The following PRR11 variants were observed in gnomAD, a reference collection of about 807,000 sequenced individuals.
PRR11 encodes proline-rich protein 11.
Under a neutral mutation model 45.6 loss-of-function variants are expected in PRR11, and 30 were observed. The ratio of observed to expected loss-of-function variants is 0.66; its 90% CI spans 0.49 to 0.89. PRR11 has a LOEUF of 0.89. Among genes scored for constraint, PRR11 ranks in the 40% least tolerant of loss-of-function variants. The probability of loss-of-function intolerance (pLI) is 0.00; values close to 1 mark genes in which losing one functional copy is unlikely to be tolerated. For missense variants in PRR11, 373 were observed against 424.8 expected, an observed-to-expected ratio of 0.88 and a Z score of 1.07; for synonymous variants, 128 against 153.5, an observed-to-expected ratio of 0.83 and a Z score of 1.23.
chr17:59,170,193 A>G (rs1456130303), intron 2 of PRR11, among the ~76,000 whole-genome samples: 1 of 151,596 alleles, frequency 6.6e-6, no homozygotes, highest in Non-Finnish European at 1.5e-5. Flanking sequence ...CAGAGGTTGC[A>G]GTGAGCCGAG....
intron 1 of PRR11, among the ~76,000 whole-genome samples, chr17:59,167,156 T>G (rs902287439): frequency 5.3e-5 from 8 of 152,154 alleles, no homozygotes; most frequent in African/African-American, 1.9e-4. Flanking sequence ...GGAGCAAGAC[T>G]CTGTCTCTAA....
At chr17:59,193,761 T>C in intron 5 of PRR11, 27 bp downstream of exon 5, 1 of 1,606,190 alleles carries the variant, frequency 6.2e-7, no homozygotes, top group Non-Finnish European at 8.5e-7. Context: ...TAATGATATG[T>C]TTTGATATGT....
In PRR11 at chr17:59,205,165, C is replaced by A. The variant is rs149783517; in HGVS notation, c.*3534C>A. 8.0e-3 allele frequency among the ~76,000 whole-genome samples: 1,221 copies of A among 152,014 alleles called. 20 individuals carry two copies. Among genetic ancestry groups the A allele is most frequent in the African/African-American group, 0.027 (1,135 of 41,474 alleles). On this transcript the variant is annotated 3_prime_UTR_variant, in exon 10 of 10. Transcript: ENST00000262293. ...CAGTGTTAAACTGTGTTCTACCTTG[C>A]ATCTTTTACTGATTTTTATGACAGA...
intron 1 of PRR11, among the ~76,000 whole-genome samples, chr17:59,169,515 A>G (rs897500397): frequency 6.6e-6 from 1 of 152,200 alleles, no homozygotes; most frequent in Non-Finnish European, 1.5e-5. Flanking sequence ...AAACTGAGAG[A>G]GTAATATAAT....
chr17:59,185,064 T>A lies in PRR11; in HGVS notation c.139T>A (p.Ser47Thr), dbSNP rs758270171. 1.9e-6 allele frequency: 3 copies of A among 1,613,286 alleles called. No individual in the cohort carries two copies. The highest frequency in any genetic ancestry group is 2.5e-6 in the Non-Finnish European group (3 of 1,179,404). The change falls in exon 3 of 10, where the codon TCT becomes ACT. Residue 47 changes from serine to threonine, a missense_variant. Physicochemically the swap from Ser to Thr is moderately conservative, Grantham distance 58. Coordinates refer to ENST00000262293, the MANE Select transcript of PRR11 (RefSeq NM_018304.4). ...PPPSPERVGI[S>T]SIDISQSRSW... ...TTGTTTTTCCTACAGAGTCGGTATT[T>A]CTTCAATAGATATATCTCAAAGCAG...
chr17:59,198,533 G>A (rs756984919), intron 9 of PRR11, among the ~76,000 whole-genome samples: 14 of 152,218 alleles, frequency 9.2e-5, no homozygotes, highest in Non-Finnish European at 2.1e-4. Flanking sequence ...AATTAGCAAG[G>A]TGTGGTGGCG....
rs2046913578 is a variant in PRR11 at position 59,205,526 on chromosome 17, AC to A, written c.*3898del. ...AGACCAGTCTGGCCAACATGGTGAA[AC>A]CCTGTCTCTACTAAAAATACAAAAA... On this transcript the variant is annotated 3_prime_UTR_variant, in exon 10 of 10. Coordinates refer to ENST00000262293, the MANE Select transcript of PRR11 (RefSeq NM_018304.4). Among the ~76,000 whole-genome samples the A allele has an allele frequency of 1.5e-5, 2 of 131,434 alleles. No homozygotes were observed. Among genetic ancestry groups the A allele is most frequent in the Non-Finnish European group, 1.6e-5 (1 of 63,796 alleles). The allele number at this position is 131,434 out of a possible 152,430, so 86.2% of individuals were successfully genotyped here.
intron 2 of PRR11, among the ~76,000 whole-genome samples, chr17:59,181,081 C>T (rs557778963): frequency 1.4e-4 from 21 of 151,734 alleles, no homozygotes; most frequent in East Asian, 1.2e-3. Flanking sequence ...GCAACACCTC[C>T]GGGGTTCACG....
chr17:59,182,389 C>CTTT (rs147890743), intron 2 of PRR11, among the ~76,000 whole-genome samples: 2,345 of 107,298 alleles, frequency 0.022, 104 homozygotes, highest in African/African-American at 0.051. Flanking sequence ...TCTGACCCTT[C>CTTT]TTTTTTTTTT....
chr17:59,193,689 A>G lies in PRR11; in HGVS notation c.600A>G (p.Leu200=), dbSNP rs1002087255. Residue 200 remains leucine, a synonymous_variant, in exon 5 of 10, where the codon CTA becomes CTG. Transcript: ENST00000262293. ...CTCTGCCACCTCCTCCACCACCACT[A>G]GCACCTGTGTTGCTCAGAAAACCCA... is the stretch of plus-strand genomic sequence containing the variant. ...PPPLPPPPPP[L]APVLLRKPSL... 4 of 1,613,974 alleles carry G rather than the reference A, an allele frequency of 2.5e-6. No homozygotes were observed. Among genetic ancestry groups the G allele is most frequent in the Non-Finnish European group, 3.4e-6 (4 of 1,179,884 alleles).
At chr17:59,168,449 C>T (rs769348761) in intron 1 of PRR11, among the ~76,000 whole-genome samples, 46 of 152,236 alleles carry the variant, frequency 3.0e-4, no homozygotes, top group African/African-American at 9.1e-4. Context: ...GGATTACAGA[C>T]GTGAGCCACC....
intron 1 of PRR11, among the ~76,000 whole-genome samples, chr17:59,169,318 G>A (rs1343006179): frequency 4.0e-5 from 6 of 151,772 alleles, no homozygotes; most frequent in African/African-American, 4.8e-5. Context: ...GGCTGGTCTC[G>A]AACTCCTGAC....
At chr17:59,160,435 C>T (rs7213269) in intron 1 of PRR11, among the ~76,000 whole-genome samples, 64,914 of 151,840 alleles carry the variant, frequency 0.43, 16,010 homozygotes, top group African/African-American at 0.69. Flanking sequence ...AACCTCATTC[C>T]AATTTTTATA....
rs1250802224 is a variant in PRR11 at position 59,156,951 on chromosome 17, G to C, written c.-6+1146G>C. On this transcript the variant is annotated intron_variant, in intron 1 of 9. Coordinates refer to ENST00000262293, the MANE Select transcript of PRR11 (RefSeq NM_018304.4). Reference sequence around the variant, plus strand: ...CGCAAAGAACTTTTCATATCATTGGGTGGAGTTTTCACAGAAGCAGCAGCG... The same window carrying C: ...CGCAAAGAACTTTTCATATCATTGGCTGGAGTTTTCACAGAAGCAGCAGCG... 2.0e-5 allele frequency among the ~76,000 whole-genome samples: 3 copies of C among 152,290 alleles called. No homozygotes were observed. The South Asian group carries it at 6.2e-4, about 32-fold the overall frequency.
intron 1 of PRR11, among the ~76,000 whole-genome samples, chr17:59,156,054 TG>T (rs1399533841): frequency 5.3e-5 from 8 of 152,214 alleles, no homozygotes; most frequent in Non-Finnish European, 1.0e-4. Flanking sequence ...GCCTTCCTTT[TG>T]AACATTTCTT....
At chr17:59,179,764 A>G in intron 2 of PRR11, 1 of 1,387,950 alleles carries the variant, frequency 7.2e-7, no homozygotes, top group Non-Finnish European at 1.0e-6. Flanking sequence ...CCTCAGGCTC[A>G]GGGGCGAGCT....
chr17:59,197,889 G>A lies in PRR11; in HGVS notation c.1014+100G>A. ...AATCCTAACACTTTGGGAGGCTGAG[G>A]TGGGGAGATTGCTTGAGCCTAGCAG... is the stretch of plus-strand genomic sequence containing the variant. On this transcript the variant is annotated intron_variant, in intron 9 of 9. Transcript: ENST00000262293. 11 of 1,018,368 alleles carry A rather than the reference G, an allele frequency of 1.1e-5. No homozygotes were observed. The South Asian group carries it at 1.5e-4, about 14-fold the overall frequency. 63.1% of individuals were successfully genotyped at this position (1,018,368 alleles called of 1,614,324 possible).
At position 59,179,938 on chromosome 17, in the gene PRR11, G is replaced by T. The variant is rs59624825; in HGVS notation, c.129-5116G>T. On this transcript the variant is annotated intron_variant, in intron 2 of 9. Transcript: ENST00000262293. ...TCTGCAATTGAACTCCTTAGAGCCAGACCCAAAACGCCAAACCACTCTCCA... is the reference window on the plus strand; with the variant it reads ...TCTGCAATTGAACTCCTTAGAGCCATACCCAAAACGCCAAACCACTCTCCA... 6.7e-4 allele frequency: 847 copies of T among 1,270,322 alleles called. 7 individuals are homozygous for T. The African/African-American group carries it at 0.011, about 17-fold the overall frequency. 78.7% of individuals were successfully genotyped at this position (1,270,322 alleles called of 1,614,324 possible).
rs1292563348 is a variant in PRR11 at position 59,193,637 on chromosome 17, A to G, written c.548A>G (p.His183Arg). 6.2e-7 allele frequency: 1 copy of G among 1,613,790 alleles called. No homozygotes were observed. Among genetic ancestry groups the G allele is most frequent in the Non-Finnish European group, 8.5e-7 (1 of 1,179,978 alleles). Reference sequence around the variant, plus strand: ...CCCACACTGCCACAGCCAGCCAGCCATTTTCCTCCTCCTCCTCCACCTCCA... The same window carrying G: ...CCCACACTGCCACAGCCAGCCAGCCGTTTTCCTCCTCCTCCTCCACCTCCA... ...LPPTLPQPAS[H>R]FPPPPPPPPL... Residue 183 changes from histidine to arginine, a missense_variant, in exon 5 of 10, where the codon CAT (histidine) becomes CGT (arginine). His to Arg is a conservative substitution (Grantham distance 29, BLOSUM62 0). Coordinates refer to ENST00000262293, the MANE Select transcript of PRR11 (RefSeq NM_018304.4).
Sources: gnomAD v4.1 joint callset for allele counts (sites outside exome capture counted in the v4.1 genomes callset) on GRCh38, gnomAD v4.1.1 for gene constraint, MANE v1.5 for transcripts, NCBI Gene and HGNC (gene_info 2026-07-23, HGNC 2026-07-21) for gene names.